The following KIF25 variants were observed in gnomAD, a reference collection of about 807,000 sequenced individuals.
KIF25 encodes the protein kinesin-like protein KIF25.
In KIF25, 19 loss-of-function variants were observed where a neutral mutation model predicts 32.9. The observed-to-expected ratio is 0.58, with a 90% confidence interval of 0.40 to 0.85. The LOEUF (loss-of-function observed/expected upper bound fraction) is 0.85, where lower values mean the gene tolerates loss of function less well. Ranked by LOEUF, KIF25 falls within the 40% of genes least tolerant of loss-of-function variation. The pLI is 0.00. For missense variants in KIF25, 485 were observed against 507.0 expected, an observed-to-expected ratio of 0.96 and a Z score of 0.42; for synonymous variants, 225 against 213.7, an observed-to-expected ratio of 1.05 and a Z score of -0.46.
rs552698859 is a variant in KIF25, at chr6:168,042,812, T to G, written c.985+96T>G. On this transcript the variant is annotated intron_variant, in intron 12 of 12. Transcript: ENST00000643607. ...CCTGCACGTCCTCGAGGGCCACCCA[T>G]GCACCCCCTGCACCTCCTGTGTCCT... is the stretch of plus-strand genomic sequence containing the variant. The G allele has an allele frequency of 2.2e-5, 30 of 1,340,404 alleles. No homozygotes were observed. In the South Asian group the frequency reaches 3.3e-4, roughly 15 times the overall value. The allele number at this position is 1,340,404 out of a possible 1,614,324, so 83.0% of individuals were successfully genotyped here. A position where few individuals can be genotyped will look rare whatever the true frequency, so the allele number is the denominator to read the frequency against.
chr6:168,002,351 G>GGCGT (rs1798519717), intron 2 of KIF25, among the ~76,000 whole-genome samples, 192 bp from the exon 3 acceptor site: 1 of 152,092 alleles, frequency 6.6e-6, no homozygotes. Context: ...AGACACCTGA[G>GGCGT]GCGTGGCCTT....
chr6:168,035,489 G>GCGGGCGGGAACGGCGC (rs1799009725), intron 8 of KIF25, among the ~76,000 whole-genome samples: 1 of 67,320 alleles, frequency 1.5e-5, no homozygotes, highest in Non-Finnish European at 3.1e-5. Flanking sequence ...TGCTGAGGTG[G>GCGGGCGGGAACGGCGC]TGGCGGGAAC....
chr6:168,024,489 A>G (rs1798832879), intron 5 of KIF25, among the ~76,000 whole-genome samples: 1 of 129,558 alleles, frequency 7.7e-6, no homozygotes, highest in South Asian at 2.6e-4. Context: ...TGGGCTAGGT[A>G]AGGAGGGAAA....
At chr6:168,044,532 A>G (rs1799188261) in intron 12 of KIF25, among the ~76,000 whole-genome samples, 1 of 118,316 alleles carries the variant, frequency 8.5e-6, no homozygotes, top group African/African-American at 3.3e-5. Context: ...CTGGCTGCTG[A>G]CCCTCCCTGA....
chr6:168,002,145 C>G, intron 2 of KIF25, among the ~76,000 whole-genome samples: 1 of 69,388 alleles, frequency 1.4e-5, no homozygotes, highest in East Asian at 4.4e-4. Flanking sequence ...GAGAAGACAC[C>G]TGAGGCGTGG....
intron 12 of KIF25, among the ~76,000 whole-genome samples, chr6:168,043,957 GGGCCA>G (rs1799171518): frequency 6.6e-6 from 1 of 152,258 alleles, no homozygotes; most frequent in Non-Finnish European, 1.5e-5. Context: ...GGGAGCCACA[GGGCCA>G]TGGGCCGTGA....
At chr6:168,031,328 C>A (rs917935822) in intron 7 of KIF25, among the ~76,000 whole-genome samples, 1 of 152,152 alleles carries the variant, frequency 6.6e-6, no homozygotes, top group African/African-American at 2.4e-5. Flanking sequence ...AATGGAGACA[C>A]CTTAAGCCAA....
At chr6:168,017,389 ATCTTT>A in intron 4 of KIF25, among the ~76,000 whole-genome samples, 1 of 152,352 alleles carries the variant, frequency 6.6e-6, no homozygotes, top group Non-Finnish European at 1.5e-5. Flanking sequence ...ATCCAGGTTC[ATCTTT>A]TCTTTGCTTA....
intron 5 of KIF25, among the ~76,000 whole-genome samples, chr6:168,027,695 G>A (rs905092506): frequency 2.0e-5 from 3 of 152,168 alleles, no homozygotes. Context: ...GCGTGGGCAA[G>A]GCCGGCTTCC....
intron 2 of KIF25, among the ~76,000 whole-genome samples, chr6:167,999,950 C>A (rs1265737190): frequency 1.5e-4 from 20 of 136,276 alleles, no homozygotes; most frequent in East Asian, 4.5e-4. Context: ...CACACCTGAC[C>A]CTCCCCACTC....
In KIF25 at chr6:168,042,154, G is replaced by T; in HGVS notation, c.829+3G>T. 1 of 1,547,702 alleles carries T rather than the reference G, an allele frequency of 6.5e-7. No homozygotes were observed. On this transcript the variant is annotated splice_donor_region_variant and intron_variant, in intron 11 of 12. Coordinates refer to ENST00000643607, the MANE Select transcript of KIF25 (RefSeq NM_030615.4). The stretch of plus-strand genomic sequence containing the variant: ...CTCGGCCGGCAGCGAGTGCGTTGGT[G>T]AGCAGGGGCAGGCATTTCCCTGGGG...
chr6:168,006,221 T>G lies in KIF25; in HGVS notation c.-163+2518T>G, dbSNP rs1185178039. Reference sequence around the variant, plus strand: ...TGTATTCTATTTCTTTTTTTTTTTTTTAGCGATGGGGGGGTCTCACTATGT... The same window carrying G: ...TGTATTCTATTTCTTTTTTTTTTTTGTAGCGATGGGGGGGTCTCACTATGT... On this transcript the variant is annotated intron_variant, in intron 4 of 12. Coordinates refer to ENST00000643607, the MANE Select transcript of KIF25 (RefSeq NM_030615.4). Among the ~76,000 whole-genome samples the G allele has an allele frequency of 2.6e-5, 4 of 151,958 alleles. No homozygotes were observed. In the East Asian group the frequency reaches 7.7e-4, roughly 29 times the overall value.
intron 4 of KIF25, among the ~76,000 whole-genome samples, chr6:168,009,989 A>G (rs1385492149): frequency 1.3e-5 from 2 of 149,714 alleles, no homozygotes; most frequent in African/African-American, 2.5e-5. Context: ...TGGTTTGTTG[A>G]TTTTCTTTGT....
chr6:168,032,946 T>C (rs1303728137), intron 7 of KIF25, among the ~76,000 whole-genome samples: 1 of 152,214 alleles, frequency 6.6e-6, no homozygotes, highest in African/African-American at 2.4e-5. Context: ...GAGGATGATT[T>C]TCTATCATAC....
At chr6:168,044,685 C>T (rs1377436131) in intron 12 of KIF25, 142 bp from the exon 13 acceptor site, 1 of 816,614 alleles carries the variant, frequency 1.2e-6, no homozygotes, top group Non-Finnish European at 1.9e-6. Context: ...TCCCAGGAAC[C>T]TGCCAGACGT....
chr6:168,043,459 G>A (rs1188099976), intron 12 of KIF25, among the ~76,000 whole-genome samples: 1 of 152,202 alleles, frequency 6.6e-6, no homozygotes, highest in Non-Finnish European at 1.5e-5. Flanking sequence ...TGGAGGGGCC[G>A]CTGGTGCTCG....
rs1384395325 is a variant in KIF25, at chr6:167,998,080, C to G, written c.-1389C>G. ...TTCTTATTTAATCTTCACAATAGCA[C>G]CACCTCTCTGGGTTGCTATAAAGAC... On this transcript the variant is annotated 5_prime_UTR_variant, in exon 1 of 13. Coordinates refer to ENST00000643607, the MANE Select transcript of KIF25 (RefSeq NM_030615.4). 1 of 151,956 alleles carries G rather than the reference C, an allele frequency of 6.6e-6. No individual in the cohort carries two copies. The highest frequency in any genetic ancestry group is 1.5e-5 in the Non-Finnish European group (1 of 68,022). The allele number at this position is 151,956 out of a possible 1,614,324, so 9.4% of individuals were successfully genotyped here.
chr6:168,035,045 G>T (rs1431859405), intron 8 of KIF25, among the ~76,000 whole-genome samples: 2 of 116,514 alleles, frequency 1.7e-5, no homozygotes, highest in Non-Finnish European at 3.6e-5. Flanking sequence ...AGAAACAAAG[G>T]CTCAGGCAAG....
Position 168,005,927 on chromosome 6 carries a change from G to A in KIF25, c.-163+2224G>A, listed in dbSNP as rs1018186333. 3.9e-5 allele frequency among the ~76,000 whole-genome samples: 6 copies of A among 152,244 alleles called. No individual in the cohort carries two copies. In the Middle Eastern group the frequency reaches 0.014, roughly 345 times the overall value. ...CCTTTAATCCGCTGATCAAGTTGAC[G>A]CTCGGTATTAACCATCACAGACCCC... is the stretch of plus-strand genomic sequence containing the variant. On this transcript the variant is annotated intron_variant, in intron 4 of 12. Transcript: ENST00000643607.
Sources: allele counts gnomAD v4.1 joint callset (sites outside exome capture counted in the v4.1 genomes callset), GRCh38; gene constraint gnomAD v4.1.1; transcripts MANE v1.5; gene names NCBI Gene and HGNC (gene_info 2026-07-23, HGNC 2026-07-21).